POLR2F: variants seen among roughly 807,000 people sequenced by gnomAD.
POLR2F encodes DNA-directed RNA polymerases I, II, and III subunit RPABC2.
Under a neutral mutation model 22.7 loss-of-function variants are expected in POLR2F, and 12 were observed. That is an observed-to-expected ratio of 0.53 (90% CI 0.34 to 0.86). POLR2F has a LOEUF of 0.86. POLR2F is among the 40% of genes least tolerant of loss of function. The probability of loss-of-function intolerance (pLI) is 0.02; values close to 1 mark genes in which losing one functional copy is unlikely to be tolerated. For missense variants in POLR2F, 126 were observed against 171.5 expected (o/e 0.73, Z 1.48); for synonymous variants, 57 against 66.0 (o/e 0.86, Z 0.66).
At chr22:37,961,409 G>T (rs530361033) in intron 3 of POLR2F, among the ~76,000 whole-genome samples, 2 of 152,140 alleles carry the variant, frequency 1.3e-5, no homozygotes, top group East Asian at 3.8e-4. Context: ...CCAGCAGAGT[G>T]GGGGGCCCTC....
Position 37,968,737 on chromosome 22 carries a change from T to C in POLR2F, c.*1022T>C. The C allele has an allele frequency of 1.0e-6, 1 of 985,496 alleles. No individual in the cohort carries two copies. Among genetic ancestry groups the C allele is most frequent in the Non-Finnish European group, 1.2e-6 (1 of 829,948 alleles). 61.0% of individuals were successfully genotyped at this position (985,496 alleles called of 1,614,324 possible). A position where few individuals can be genotyped will look rare whatever the true frequency, so the allele number is the denominator to read the frequency against. ...ATGCCAGCCTTAACCTCCATTCCAC[T>C]GCCAGCTCCCCTTCAAAGAGGAGGA... On this transcript the variant is annotated 3_prime_UTR_variant, in exon 5 of 5. Transcript: ENST00000442738.
intron 1 of POLR2F, chr22:37,987,295 C>T (rs370289612): frequency 5.0e-5 from 23 of 456,652 alleles, no homozygotes; most frequent in African/African-American, 1.2e-4. Flanking sequence ...AGGCAGGTCC[C>T]GGATTTACTC....
chr22:37,956,715 C>A, intron 1 of POLR2F, 58 bp from the exon 2 acceptor site: 2 of 1,352,102 alleles, frequency 1.5e-6, no homozygotes, highest in Non-Finnish European at 2.1e-6. Flanking sequence ...CCGTGCCTGG[C>A]CCCTCTTTGA....
chr22:37,986,349 C>T lies in POLR2F; in HGVS notation c.120+37C>T. 6.5e-7 allele frequency: 1 copy of T among 1,530,340 alleles called. No homozygotes were observed. Among genetic ancestry groups the T allele is most frequent in the Non-Finnish European group, 8.7e-7 (1 of 1,143,124 alleles). The allele number at this position is 1,530,340 out of a possible 1,614,324, so 94.8% of individuals were successfully genotyped here. On this transcript the variant is annotated intron_variant, in intron 1 of 2. Transcript: ENST00000333418. The surrounding 1 kb of genome is among the most constrained non-coding windows in gnomAD (Gnocchi z 4.7). ...CTCATCCTTCCACCCCTCAGTTCCT[C>T]CTCTTTGAGGAAAGGACCTCCCCGC...
chr22:37,988,071 C>T (rs1932632512), intron 1 of POLR2F: 1 of 151,684 alleles, frequency 6.6e-6, no homozygotes, highest in African/African-American at 2.4e-5. Flanking sequence ...CACCTGTAAT[C>T]CCAGCACTTT....
chr22:38,026,637 A>G (rs2145826321), exon 3 of POLR2F: 1 of 281,708 alleles, frequency 3.5e-6, no homozygotes, highest in Non-Finnish European at 7.1e-6. Flanking sequence ...TGGTGAGACA[A>G]TTGGGTGTTT....
chr22:38,038,098 G>A lies in POLR2F; in HGVS notation c.453-2970G>A, dbSNP rs145767345. Among the ~76,000 whole-genome samples the A allele has an allele frequency of 2.2e-3, 338 of 151,854 alleles. 1 individual carries two copies. Among genetic ancestry groups the A allele is most frequent in the African/African-American group, 8.0e-3 (331 of 41,348 alleles). On this transcript the variant is annotated intron_variant, in intron 5 of 5. Coordinates refer to the POLR2F transcript ENST00000407936. ...CTCTGGGAGCCTGAGAGCCAGTGTTGGGGGGTAGAAGGTGGGGGAAGGGGA... is the reference window on the plus strand; with the variant it reads ...CTCTGGGAGCCTGAGAGCCAGTGTTAGGGGGTAGAAGGTGGGGGAAGGGGA...
chr22:37,983,508 G>A (rs1015818123), upstream of POLR2F: 1 of 1,610,338 alleles, frequency 6.2e-7, no homozygotes, highest in Non-Finnish European at 8.5e-7. This position sits in a 1 kb window ranked among gnomAD's most constrained non-coding sequence, Gnocchi z 9.5. Flanking sequence ...CCGTTGACGC[G>A]CACGGGCATG....
At chr22:38,025,406 C>T (rs556032083) in intron 1 of POLR2F, among the ~76,000 whole-genome samples, 1 of 152,278 alleles carries the variant, frequency 6.6e-6, no homozygotes, top group South Asian at 2.1e-4. Context: ...CATGCATACA[C>T]ATGCCCACAA....
intron 1 of POLR2F, among the ~76,000 whole-genome samples, chr22:38,024,347 A>G (rs995305681): frequency 1.3e-5 from 2 of 152,148 alleles, no homozygotes; most frequent in African/African-American, 4.8e-5. Context: ...ATTGATGGAC[A>G]TTTGGGTTGT....
At chr22:37,999,762 T>C (rs2084752069) in intron 1 of POLR2F, among the ~76,000 whole-genome samples, 1 of 152,186 alleles carries the variant, frequency 6.6e-6, no homozygotes, top group Non-Finnish European at 1.5e-5. Flanking sequence ...CCCCGGGGTT[T>C]CCTCTTGAAA....
At chr22:38,039,583 CA>C (rs2085151902) in intron 5 of POLR2F, among the ~76,000 whole-genome samples, 1 of 152,162 alleles carries the variant, frequency 6.6e-6, no homozygotes, top group Non-Finnish European at 1.5e-5. Context: ...CACCCAGGCC[CA>C]GGAGCCAGAG....
At chr22:37,960,611 G>A (rs943879373) in intron 3 of POLR2F, among the ~76,000 whole-genome samples, 1 of 151,846 alleles carries the variant, frequency 6.6e-6, no homozygotes, top group Non-Finnish European at 1.5e-5. Flanking sequence ...GTTAGCCAGG[G>A]TGGTTGGTCT....
Position 37,953,754 on chromosome 22 carries a change from C to G in POLR2F, c.-34C>G, listed in dbSNP as rs918159210. Reference sequence around the variant, plus strand: ...CTGTTTGCGGGTCTCCGCGCGGGACCGGGGCGCAGCGGGGTCGCTGAGGCG... The same window carrying G: ...CTGTTTGCGGGTCTCCGCGCGGGACGGGGGCGCAGCGGGGTCGCTGAGGCG... On this transcript the variant is annotated 5_prime_UTR_variant, in exon 1 of 5. Transcript: ENST00000442738. 3.1e-6 allele frequency: 5 copies of G among 1,602,428 alleles called. No homozygotes were observed. Among genetic ancestry groups the G allele is most frequent in the Non-Finnish European group, 4.2e-6 (5 of 1,177,042 alleles).
chr22:37,993,679 G>A (rs1263278549), intron 1 of POLR2F, among the ~76,000 whole-genome samples: 2 of 152,156 alleles, frequency 1.3e-5, no homozygotes, highest in East Asian at 1.9e-4. Flanking sequence ...TGAGAATCAC[G>A]ATACCTGCCA....
At chr22:37,987,917 A>G (rs1307303778) in intron 1 of POLR2F, 1 of 153,118 alleles carries the variant, frequency 6.5e-6, no homozygotes, top group African/African-American at 2.4e-5. Flanking sequence ...GGGAAGGCGC[A>G]CTGGGATTCT....
At chr22:38,031,122 CT>C (rs2085060603), downstream of POLR2F, among the ~76,000 whole-genome samples, 1 of 152,096 alleles carries the variant, frequency 6.6e-6, no homozygotes, top group Non-Finnish European at 1.5e-5. The surrounding 1 kb of genome is among the most constrained non-coding windows in gnomAD (Gnocchi z 4.1). Flanking sequence ...ACTCCTACTA[CT>C]CTGTCAGGCC....
At chr22:37,961,792 A>T (rs900491108) in intron 3 of POLR2F, among the ~76,000 whole-genome samples, 4 of 151,692 alleles carry the variant, frequency 2.6e-5, no homozygotes, top group Non-Finnish European at 4.4e-5. Context: ...GAGGGGACAG[A>T]GCGGGGTACT....
chr22:37,993,797 G>A (rs937946442), intron 1 of POLR2F, among the ~76,000 whole-genome samples: 5 of 152,162 alleles, frequency 3.3e-5, no homozygotes, highest in Non-Finnish European at 7.3e-5. Context: ...AGACCATCCT[G>A]GCTAACATGA....
Sources: gnomAD v4.1 joint callset for allele counts (sites outside exome capture counted in the v4.1 genomes callset) on GRCh38, gnomAD v4.1.1 for gene constraint, Gnocchi (gnomAD v3.1) non-coding constraint, MANE v1.5 for transcripts, NCBI Gene and HGNC (gene_info 2026-07-23, HGNC 2026-07-21) for gene names.